Variants in ZNF766 observed in about 807,000 individuals in gnomAD.
ZNF766 encodes the protein zinc finger protein 766.
A neutral mutation model predicts 13.2 loss-of-function variants in ZNF766; 13 were observed. The observed-to-expected ratio is 0.98, with a 90% CI of 0.64 to 1.56. The LOEUF (loss-of-function observed/expected upper bound fraction) is 1.56, where lower values mean the gene tolerates loss of function less well. Among genes scored for constraint, ZNF766 ranks in the 40% most tolerant of loss-of-function variants. ZNF766 has a pLI of 0.00. For synonymous variants in ZNF766, 178 were observed against 187.6 expected, an observed-to-expected ratio of 0.95 and a Z score of 0.42; for missense variants, 521 against 552.2, an observed-to-expected ratio of 0.94 and a Z score of 0.57.
At chr19:52,277,109 AG>A in intron 1 of ZNF766, 1 of 1,014,756 alleles carries the variant, frequency 9.9e-7, no homozygotes, top group Non-Finnish European at 1.2e-6. Context: ...ACAGGAAGAA[AG>A]TATGTTGATT....
At chr19:52,271,616 G>T (rs1051288249) in intron 1 of ZNF766, among the ~76,000 whole-genome samples, 3 of 152,090 alleles carry the variant, frequency 2.0e-5, no homozygotes, top group Admixed American at 2.0e-4. Context: ...TACTTCAAGG[G>T]ATTACTTTGG....
intron 1 of ZNF766, among the ~76,000 whole-genome samples, chr19:52,277,925 A>G (rs1395577752): frequency 1.3e-5 from 2 of 151,666 alleles, no homozygotes; most frequent in Non-Finnish European, 2.9e-5. Context: ...TAATGTGCAC[A>G]AGTACCTGGT....
rs952519139 is a variant in ZNF766, at chr19:52,290,964, C to A, written c.1173C>A (p.Val391=). The A allele has an allele frequency of 6.2e-7, 1 of 1,614,006 alleles. No individual in the cohort carries two copies. Among genetic ancestry groups the A allele is most frequent in the African/African-American group, 1.3e-5 (1 of 74,982 alleles). The change falls in exon 4 of 4, where the codon GTC becomes GTA. Residue 391 remains valine, a synonymous_variant. Coordinates refer to ENST00000439461, the MANE Select transcript of ZNF766 (RefSeq NM_001010851.3). The part of the protein sequence containing the change: ...KPYKCHECGK[V]FTQVSHLARH... ...ATAAATGTCATGAATGTGGCAAAGT[C>A]TTCACTCAAGTTTCACATCTTGCAC...
At chr19:52,287,435 C>A (rs1172298467) in intron 3 of ZNF766, among the ~76,000 whole-genome samples, 1 of 152,226 alleles carries the variant, frequency 6.6e-6, no homozygotes, top group Non-Finnish European at 1.5e-5. Flanking sequence ...GCCACTACGC[C>A]CAGCCTGCTC....
rs116475771 is a variant in ZNF766, at chr19:52,290,995, C to G, written c.1204C>G (p.Gln402Glu). Residue 402 changes from glutamine to glutamate, a missense_variant, in exon 4 of 4, where the codon CAG becomes GAG. Physicochemically the swap from Gln to Glu is conservative, Grantham distance 29 (BLOSUM62 2). Coordinates refer to ENST00000439461, the MANE Select transcript of ZNF766 (RefSeq NM_001010851.3). Reference sequence around the variant, plus strand: ...TCAAGTTTCACATCTTGCACGACATCAGAAAATTCACACTGGAGAGAAACC... The same window carrying G: ...TCAAGTTTCACATCTTGCACGACATGAGAAAATTCACACTGGAGAGAAACC... ...FTQVSHLARH[Q>E]KIHTGEKPYK... is the part of the protein sequence containing the mutation. The G allele has an allele frequency of 1.4e-4, 228 of 1,613,766 alleles. No individual in the cohort carries two copies. The African/African-American group carries it at 2.7e-3, about 19-fold the overall frequency.
chr19:52,292,000 A>C lies in ZNF766; in HGVS notation c.*802A>C. 1.7e-6 allele frequency: 1 copy of C among 592,466 alleles called. No individual in the cohort carries two copies. The highest frequency in any genetic ancestry group is 4.4e-4 in the Middle Eastern group (1 of 2,288). The allele number at this position is 592,466 out of a possible 1,614,324, so 36.7% of individuals were successfully genotyped here. A position where few individuals can be genotyped will look rare whatever the true frequency, so the allele number is the denominator to read the frequency against. On this transcript the variant is annotated 3_prime_UTR_variant, in exon 4 of 4. Coordinates refer to ENST00000439461, the MANE Select transcript of ZNF766 (RefSeq NM_001010851.3). ...GGCAAGAGGATTGCTCAAGCCCAGG[A>C]GTTTGAGAGTTTGAGCAGTGAGCTC...
At chr19:52,274,826 A>AC (rs1981122636) in intron 1 of ZNF766, among the ~76,000 whole-genome samples, 2 of 151,750 alleles carry the variant, frequency 1.3e-5, no homozygotes, top group Admixed American at 1.3e-4. Context: ...CTCCATCTCA[A>AC]AAAAAAAGAA....
chr19:52,276,015 AC>A (rs1408307898), intron 1 of ZNF766, among the ~76,000 whole-genome samples: 2 of 152,028 alleles, frequency 1.3e-5, no homozygotes, highest in Non-Finnish European at 1.5e-5. Context: ...ATATGTTTTG[AC>A]TTACGAGTAC....
At position 52,277,043 on chromosome 19, in the gene ZNF766, C is replaced by T. The variant is rs559822764; in HGVS notation, c.19-5068C>T. The T allele has an allele frequency of 6.6e-6, 6 of 907,928 alleles. No individual in the cohort carries two copies. In the South Asian group the frequency reaches 2.5e-4, roughly 37 times the overall value. The allele number at this position is 907,928 out of a possible 1,614,324, so 56.2% of individuals were successfully genotyped here. ...CCGGCATCAACTCTGATGCAGTGGG[C>T]AGCAGAGGACCGTATTTCCACAGGG... On this transcript the variant is annotated intron_variant, in intron 1 of 3. Coordinates refer to ENST00000439461, the MANE Select transcript of ZNF766 (RefSeq NM_001010851.3).
chr19:52,295,116 GAC>G lies in ZNF766; in HGVS notation c.*3922_*3923del, dbSNP rs1982292587. 1 of 151,238 alleles carries G rather than the reference GAC, an allele frequency of 6.6e-6. No individual in the cohort carries two copies. Among genetic ancestry groups the G allele is most frequent in the African/African-American group, 2.4e-5 (1 of 41,108 alleles). The allele number at this position is 151,238 out of a possible 1,614,324, so 9.4% of individuals were successfully genotyped here. On this transcript the variant is annotated 3_prime_UTR_variant, in exon 4 of 4. Coordinates refer to ENST00000439461, the MANE Select transcript of ZNF766 (RefSeq NM_001010851.3). ...TTTTGTGTTTATATATGCACGTATA[GAC>G]ACATATATAATATTTTTTTTTTACT...
intron 1 of ZNF766, chr19:52,277,537 C>A (rs747814897): frequency 3.8e-6 from 6 of 1,572,816 alleles, no homozygotes; most frequent in Non-Finnish European, 5.1e-6. Context: ...ATGCCACTTA[C>A]TCAGGTAAAG....
At chr19:52,278,601 A>G (rs1429369775) in intron 1 of ZNF766, among the ~76,000 whole-genome samples, 1 of 151,894 alleles carries the variant, frequency 6.6e-6, no homozygotes, top group Admixed American at 6.6e-5. Flanking sequence ...ACGGAGCTTC[A>G]CCATGGTGGC....
intron 3 of ZNF766, 39 bp from the exon 4 acceptor site, chr19:52,290,027 A>C: frequency 6.5e-7 from 1 of 1,545,014 alleles, no homozygotes; most frequent in South Asian, 1.3e-5. Context: ...ACATGCCAGA[A>C]CCATGGGTTC....
chr19:52,277,670 T>A, intron 1 of ZNF766: 1 of 995,538 alleles, frequency 1.0e-6, no homozygotes, highest in Non-Finnish European at 1.5e-6. Flanking sequence ...CACCCATGCC[T>A]TCCTTCAGTC....
In ZNF766 at chr19:52,290,658, T is replaced by A. The variant is rs767349708; in HGVS notation, c.867T>A (p.His289Gln). ...GTCGAATTACATACCTTGTACGACA[T>A]CAGAAAATTCATACTAGAGAGAAAC... ...VFSRITYLVR[H>Q]QKIHTREKPH... The change falls in exon 4 of 4, where the codon CAT becomes CAA. Residue 289 changes from histidine (H) to glutamine (Q), a missense_variant. Physicochemically the swap from His to Gln is conservative, Grantham distance 24 (BLOSUM62 0). Transcript: ENST00000439461. 3 of 1,613,680 alleles carry A rather than the reference T, an allele frequency of 1.9e-6. No individual in the cohort carries two copies. Among genetic ancestry groups the A allele is most frequent in the Middle Eastern group, 3.3e-4 (2 of 6,062 alleles).
intron 3 of ZNF766, chr19:52,288,067 C>G (rs1199350586): frequency 2.5e-6 from 1 of 405,532 alleles, no homozygotes; most frequent in Non-Finnish European, 4.7e-6. Flanking sequence ...GTCGCCCAGG[C>G]TGGAGTACAG....
At position 52,290,518 on chromosome 19, in the gene ZNF766, T is replaced by C. The variant is rs1982076984; in HGVS notation, c.727T>C (p.Tyr243His). Residue 243 changes from tyrosine to histidine, a missense_variant, in exon 4 of 4, where the codon TAC (tyrosine) becomes CAC (histidine). Physicochemically the swap from Tyr to His is moderately conservative, Grantham distance 83 (BLOSUM62 2). Coordinates refer to ENST00000439461, the MANE Select transcript of ZNF766 (RefSeq NM_001010851.3). ...HWRIRTGEKP[Y>H]KCKECGKLFN... Reference sequence around the variant, plus strand: ...GAGAATTCGTACAGGAGAGAAACCTTACAAATGTAAAGAGTGTGGCAAGCT... The same window carrying C: ...GAGAATTCGTACAGGAGAGAAACCTCACAAATGTAAAGAGTGTGGCAAGCT... The C allele has an allele frequency of 1.2e-6, 2 of 1,614,168 alleles. No homozygotes were observed. The highest frequency in any genetic ancestry group is 1.7e-6 in the Non-Finnish European group (2 of 1,180,020).
At position 52,296,006 on chromosome 19, in the gene ZNF766, A is replaced by G. The variant is rs1982331024; in HGVS notation, c.*4808A>G. 1 of 151,494 alleles carries G rather than the reference A, an allele frequency of 6.6e-6. No individual in the cohort carries two copies. The highest frequency in any genetic ancestry group is 1.5e-5 in the Non-Finnish European group (1 of 67,900). 9.4% of individuals were successfully genotyped at this position (151,494 alleles called of 1,614,324 possible). ...TTGGGGTAATTTCACATTTTTTTCT[A>G]TGTTGAGTTTATCAATAAATTGATA... On this transcript the variant is annotated 3_prime_UTR_variant, in exon 4 of 4. Transcript: ENST00000439461.
chr19:52,283,001 A>G (rs1042644751), intron 2 of ZNF766, among the ~76,000 whole-genome samples: 5 of 152,094 alleles, frequency 3.3e-5, no homozygotes, highest in African/African-American at 9.7e-5. Context: ...GTATATACCC[A>G]GTAATGCGAT....
Sources: allele counts gnomAD v4.1 joint callset (sites outside exome capture counted in the v4.1 genomes callset), GRCh38; gene constraint gnomAD v4.1.1; transcripts MANE v1.5; gene names NCBI Gene and HGNC (gene_info 2026-07-23, HGNC 2026-07-21).